The following PLEKHM1 variants were observed in gnomAD, a reference collection of about 807,000 sequenced individuals.
PLEKHM1 encodes pleckstrin homology and RUN domain containing M1.
Under a neutral mutation model 94.3 loss-of-function variants are expected in PLEKHM1, and 28 were observed. The ratio of observed to expected loss-of-function variants is 0.30; its 90% CI spans 0.22 to 0.41. The LOEUF (loss-of-function observed/expected upper bound fraction) is 0.41, where lower values mean the gene tolerates loss of function less well. Among genes scored for constraint, PLEKHM1 ranks in the 10% least tolerant of loss-of-function variants. PLEKHM1 has a pLI of 1.00. For synonymous variants in PLEKHM1, 424 were observed against 581.2 expected, an observed-to-expected ratio of 0.73 and a Z score of 3.89; for missense variants, 907 against 1,358.6, an observed-to-expected ratio of 0.67 and a Z score of 5.22.
chr17:45,466,607 T>C (rs1283996270), intron 5 of PLEKHM1, among the ~76,000 whole-genome samples: 1 of 152,178 alleles, frequency 6.6e-6, no homozygotes, highest in Non-Finnish European at 1.5e-5. Flanking sequence ...TGGACAGACA[T>C]TCTATAAAAG....
chr17:45,452,850 A>G (rs1382781523), intron 7 of PLEKHM1: 1 of 187,540 alleles, frequency 5.3e-6, no homozygotes, highest in Admixed American at 5.3e-5. Context: ...AGCACCTGGT[A>G]GCACTACATG....
intron 5 of PLEKHM1, among the ~76,000 whole-genome samples, chr17:45,467,506 C>T (rs982118228): frequency 1.3e-5 from 2 of 152,164 alleles, no homozygotes; most frequent in African/African-American, 2.4e-5. Flanking sequence ...AGGCTGAGTG[C>T]ACCAGCTCAT....
At chr17:45,447,045 T>G (rs1211018696) in intron 8 of PLEKHM1, among the ~76,000 whole-genome samples, 1 of 152,194 alleles carries the variant, frequency 6.6e-6, no homozygotes, top group East Asian at 1.9e-4. Flanking sequence ...TGAATTCAGA[T>G]TAAAAGAGGT....
chr17:45,469,277 C>T (rs2051422204), intron 4 of PLEKHM1, among the ~76,000 whole-genome samples: 1 of 152,146 alleles, frequency 6.6e-6, no homozygotes, highest in African/African-American at 2.4e-5. Context: ...TATGGTGGGA[C>T]TGCCACTCCC....
chr17:45,478,434 C>T (rs977662364), intron 2 of PLEKHM1, among the ~76,000 whole-genome samples: 5 of 152,012 alleles, frequency 3.3e-5, no homozygotes, highest in African/African-American at 1.2e-4. Context: ...TTAGACCAAA[C>T]TTAAGTGAAC....
At chr17:45,454,496 A>C (rs2050884344) in intron 6 of PLEKHM1, 2 of 622,454 alleles carry the variant, frequency 3.2e-6, no homozygotes, top group Admixed American at 4.9e-5. Flanking sequence ...TCACTGAGAA[A>C]ATAAGAGCAC....
Position 45,475,224 on chromosome 17 carries a change from T to G in PLEKHM1, c.799A>C (p.Asn267His). The G allele has an allele frequency of 1.2e-6, 2 of 1,613,948 alleles. No homozygotes were observed. Among genetic ancestry groups the G allele is most frequent in the Non-Finnish European group, 1.7e-6 (2 of 1,179,856 alleles). The change falls in exon 4 of 12, where the codon AAC becomes CAC. Residue 267 changes from asparagine to histidine, a missense_variant. Around this residue, in one of 3 missense-constraint regions of PLEKHM1, gnomAD observed 477 missense variants for 601.5 expected, o/e 0.79. Transcript: ENST00000430334. Reference sequence around the variant, plus strand: ...TCTTGGAGTAAGCAGCTATCAGAGTTTAGGCTGCAGGACAGCTGGGATGAA... The same window carrying G: ...TCTTGGAGTAAGCAGCTATCAGAGTGTAGGCTGCAGGACAGCTGGGATGAA... ...ASSSQLSCSL[N>H]SDSCLLQENG...
rs2050590221 is a variant in PLEKHM1 at position 45,445,803 on chromosome 17, T to A, written c.2644-140A>T. The A allele has an allele frequency of 1.5e-6, 1 of 674,050 alleles. No homozygotes were observed. Among genetic ancestry groups the A allele is most frequent in the Non-Finnish European group, 2.7e-6 (1 of 375,378 alleles). The allele number at this position is 674,050 out of a possible 1,614,324, so 41.8% of individuals were successfully genotyped here. A position where few individuals can be genotyped will look rare whatever the true frequency, so the allele number is the denominator to read the frequency against. ...ATGGGGAAACTGAGGCTCAAGGAGATGAAGAGATTTGGCTAGGGTCACCCA... is the reference window on the plus strand; with the variant it reads ...ATGGGGAAACTGAGGCTCAAGGAGAAGAAGAGATTTGGCTAGGGTCACCCA... On this transcript the variant is annotated intron_variant, in intron 8 of 11. Coordinates refer to ENST00000430334, the MANE Select transcript of PLEKHM1 (RefSeq NM_014798.3). The surrounding 1 kb of genome is among the most constrained non-coding windows in gnomAD (Gnocchi z 4.2).
intron 1 of PLEKHM1, among the ~76,000 whole-genome samples, chr17:45,486,422 A>C (rs1204486477): frequency 6.6e-6 from 1 of 150,654 alleles, no homozygotes; most frequent in African/African-American, 2.4e-5. Context: ...CTCTACTAAA[A>C]ATACAAAAAA....
Position 45,453,970 on chromosome 17 carries a change from G to C in PLEKHM1, c.1882C>G (p.Arg628Gly), listed in dbSNP as rs546482206. ...DRVREALQKV[R>G]PQQEDEWVNV... Reference sequence around the variant, plus strand: ...ACCCACTCATCCTCCTGCTGAGGCCGGACCTTCTGCAGGGCCTCCCGCACC... The same window carrying C: ...ACCCACTCATCCTCCTGCTGAGGCCCGACCTTCTGCAGGGCCTCCCGCACC... The change falls in exon 7 of 12, where the codon CGG (arginine) becomes GGG (glycine). Residue 628 changes from arginine to glycine, a missense_variant. Physicochemically the swap from Arg to Gly is moderately radical, Grantham distance 125. Around this residue, in one of 3 missense-constraint regions of PLEKHM1, gnomAD observed 477 missense variants for 601.5 expected, o/e 0.79. Transcript: ENST00000430334. This position sits in a 1 kb window ranked among gnomAD's most constrained non-coding sequence, Gnocchi z 4.1. 41 of 1,613,832 alleles carry C rather than the reference G, an allele frequency of 2.5e-5. No individual in the cohort carries two copies. The highest frequency in any genetic ancestry group is 3.3e-5 in the Non-Finnish European group (39 of 1,179,858).
intron 2 of PLEKHM1, among the ~76,000 whole-genome samples, chr17:45,478,667 T>C (rs1233472560): frequency 6.6e-6 from 1 of 152,264 alleles, no homozygotes; most frequent in Non-Finnish European, 1.5e-5. Context: ...CATGGTTTAC[T>C]TTAAGAAAGA....
At chr17:45,480,886 A>G (rs1267952987) in intron 2 of PLEKHM1, among the ~76,000 whole-genome samples, 1 of 152,224 alleles carries the variant, frequency 6.6e-6, no homozygotes, top group Non-Finnish European at 1.5e-5. Context: ...ATGAACATCC[A>G]TGTACAAGTT....
At chr17:45,482,629 C>T in intron 1 of PLEKHM1, 104 bp from the exon 2 acceptor site, 1 of 717,058 alleles carries the variant, frequency 1.4e-6, no homozygotes, top group Admixed American at 2.1e-5. Flanking sequence ...ACTCAAACTG[C>T]AACCAAAAAG....
chr17:45,453,216 G>A lies in PLEKHM1; in HGVS notation c.2497+139C>T. 2.8e-6 allele frequency: 2 copies of A among 723,318 alleles called. No individual in the cohort carries two copies. The highest frequency in any genetic ancestry group is 2.5e-6 in the Non-Finnish European group (1 of 400,586). 44.8% of individuals were successfully genotyped at this position (723,318 alleles called of 1,614,324 possible). A position where few individuals can be genotyped will look rare whatever the true frequency, so the allele number is the denominator to read the frequency against. On this transcript the variant is annotated intron_variant, in intron 7 of 11. Transcript: ENST00000430334. The surrounding 1 kb of genome is among the most constrained non-coding windows in gnomAD (Gnocchi z 4.1). Reference sequence around the variant, plus strand: ...GGGAGGAGCAGAAGCTGTAGGGCAAGCCTGATCTGTGGCCTCATCCCTAGG... The same window carrying A: ...GGGAGGAGCAGAAGCTGTAGGGCAAACCTGATCTGTGGCCTCATCCCTAGG...
chr17:45,446,748 T>C (rs2050618965), intron 8 of PLEKHM1, among the ~76,000 whole-genome samples: 1 of 152,240 alleles, frequency 6.6e-6, no homozygotes, highest in Admixed American at 6.5e-5. Flanking sequence ...GACTGTCGTA[T>C]CCAGCAACCT....
chr17:45,476,207 T>C (rs1372526032), intron 3 of PLEKHM1: 1 of 147,668 alleles, frequency 6.8e-6, no homozygotes, highest in Non-Finnish European at 1.5e-5. Flanking sequence ...ATTATATATA[T>C]ATATATATTT....
At position 45,468,308 on chromosome 17, in the gene PLEKHM1, G is replaced by A. The variant is rs370709360; in HGVS notation, c.1209C>T (p.Ser403=). The A allele has an allele frequency of 2.0e-5, 33 of 1,613,298 alleles. No individual in the cohort carries two copies. In the Middle Eastern group the frequency reaches 8.3e-4, roughly 41 times the overall value. Residue 403 remains serine, a synonymous_variant, in exon 5 of 12, where the codon AGC becomes AGT. Coordinates refer to ENST00000430334, the MANE Select transcript of PLEKHM1 (RefSeq NM_014798.3). ...TSGQQPSSTV[S]ETAREVGQGN... ...CTTGGCCCACTTCTCTGGCTGTCTC[G>A]CTGACAGTACTAGAAGGCTGCTGGC...
chr17:45,453,182 C>G lies in PLEKHM1; in HGVS notation c.2497+173G>C. 1 of 662,876 alleles carries G rather than the reference C, an allele frequency of 1.5e-6. No individual in the cohort carries two copies. The highest frequency in any genetic ancestry group is 2.7e-6 in the Non-Finnish European group (1 of 364,858). 41.1% of individuals were successfully genotyped at this position (662,876 alleles called of 1,614,324 possible). A position where few individuals can be genotyped will look rare whatever the true frequency, so the allele number is the denominator to read the frequency against. On this transcript the variant is annotated intron_variant, in intron 7 of 11. Coordinates refer to ENST00000430334, the MANE Select transcript of PLEKHM1 (RefSeq NM_014798.3). This position sits in a 1 kb window ranked among gnomAD's most constrained non-coding sequence, Gnocchi z 4.1. ...CCTATGAGCAGGGCACTGGCCCCAG[C>G]CGGGGCTGGGGAGGAGCAGAAGCTG...
At position 45,445,418 on chromosome 17, in the gene PLEKHM1, T is replaced by A. The variant is rs1362728232; in HGVS notation, c.2837+52A>T. 1.5e-5 allele frequency: 22 copies of A among 1,502,062 alleles called. No homozygotes were observed. Among genetic ancestry groups the A allele is most frequent in the Non-Finnish European group, 2.0e-5 (22 of 1,078,690 alleles). 93.0% of individuals were successfully genotyped at this position (1,502,062 alleles called of 1,614,324 possible). On this transcript the variant is annotated intron_variant, in intron 9 of 11. Transcript: ENST00000430334. The surrounding 1 kb of genome is among the most constrained non-coding windows in gnomAD (Gnocchi z 4.2). ...GCATATAAGTATGTGTTTGTGTGCA[T>A]GCATGTGCGTGTGTACGTGCACTCA...
Sources: gnomAD v4.1 joint callset for allele counts (sites outside exome capture counted in the v4.1 genomes callset) on GRCh38, gnomAD v4.1.1 for gene constraint, gnomAD v4.1.1 regional missense constraint, Gnocchi (gnomAD v3.1) non-coding constraint, MANE v1.5 for transcripts, NCBI Gene and HGNC (gene_info 2026-07-23, HGNC 2026-07-21) for gene names.